Variants in FER1L5 observed in about 807,000 individuals in gnomAD.
The protein encoded by FER1L5 is fer-1 like family member 5, also known as fer-1-like protein 5.
A neutral mutation model predicts 279.9 loss-of-function variants in FER1L5; 187 were observed. The ratio of observed to expected loss-of-function variants is 0.67; its 90% CI spans 0.59 to 0.75. FER1L5 has a LOEUF of 0.75. FER1L5 is among the 30% of genes least tolerant of loss of function. The probability of loss-of-function intolerance (pLI) is 0.00; values close to 1 mark genes in which losing one functional copy is unlikely to be tolerated. For missense variants in FER1L5, 2,091 were observed against 2,594.4 expected, an observed-to-expected ratio of 0.81 and a Z score of 4.21; for synonymous variants, 921 against 989.7, an observed-to-expected ratio of 0.93 and a Z score of 1.30.
In FER1L5 at chr2:96,689,883, C is replaced by T. The variant is rs1266950464; in HGVS notation, c.2640+125C>T. On this transcript the variant is annotated intron_variant, in intron 26 of 52. Transcript: ENST00000624922. The surrounding 1 kb of genome is among the most constrained non-coding windows in gnomAD (Gnocchi z 4.6). ...ATGCCCTGCACTATGTGTGGGGCCCCGGGTGAGCGCACCAGCCCTCAGGCA... is the reference window on the plus strand; with the variant it reads ...ATGCCCTGCACTATGTGTGGGGCCCTGGGTGAGCGCACCAGCCCTCAGGCA... 24 of 700,086 alleles carry T rather than the reference C, an allele frequency of 3.4e-5. No individual in the cohort carries two copies. The highest frequency in any genetic ancestry group is 3.3e-4 in the South Asian group (17 of 52,090). 43.4% of individuals were successfully genotyped at this position (700,086 alleles called of 1,614,324 possible).
intron 20 of FER1L5, among the ~76,000 whole-genome samples, chr2:96,685,000 T>C (rs2076868064): frequency 1.3e-5 from 2 of 151,980 alleles, no homozygotes; most frequent in Admixed American, 6.5e-5. Context: ...CAAGTGCCTG[T>C]TGGGAGTGTA....
At chr2:96,682,017 C>G (rs2076747741) in intron 19 of FER1L5, among the ~76,000 whole-genome samples, 1 of 151,980 alleles carries the variant, frequency 6.6e-6, no homozygotes, top group Non-Finnish European at 1.5e-5. Flanking sequence ...AACTCCTAAC[C>G]TCAGGTAATC....
At position 96,694,102 on chromosome 2, in the gene FER1L5, T is replaced by C; in HGVS notation, c.3636+30T>C. On this transcript the variant is annotated intron_variant, in intron 33 of 52. Transcript: ENST00000624922. This position sits in a 1 kb window ranked among gnomAD's most constrained non-coding sequence, Gnocchi z 4.6. ...TGGGAGAGAGGGCCTGGCTGGGAAG[T>C]GTGGCACTCAGTGCCCCTCCCCGTC... The C allele has an allele frequency of 6.5e-7, 1 of 1,527,288 alleles. No individual in the cohort carries two copies. Among genetic ancestry groups the C allele is most frequent in the Non-Finnish European group, 8.8e-7 (1 of 1,141,136 alleles). The allele number at this position is 1,527,288 out of a possible 1,614,324, so 94.6% of individuals were successfully genotyped here.
At chr2:96,679,153 C>T (rs1371001296) in intron 19 of FER1L5, among the ~76,000 whole-genome samples, 2 of 151,454 alleles carry the variant, frequency 1.3e-5, no homozygotes, top group South Asian at 2.1e-4. Context: ...GAGTTCAAGA[C>T]CAGCCTGGGC....
chr2:96,663,402 G>A (rs1381097880), intron 13 of FER1L5, 37 bp from the exon 14 acceptor site: 7 of 1,546,156 alleles, frequency 4.5e-6, no homozygotes, highest in Admixed American at 2.0e-5. Flanking sequence ...GGGAGGAGGG[G>A]GCAGGCTGGC....
At chr2:96,670,009 C>T (rs992081221) in intron 17 of FER1L5, 110 bp from the exon 18 acceptor site, 30 of 1,425,040 alleles carry the variant, frequency 2.1e-5, no homozygotes, top group South Asian at 5.3e-5. Context: ...CAGTAAGCCC[C>T]GGGCAGGCAG....
chr2:96,675,422 ATAAT>A (rs1269215992), intron 19 of FER1L5, among the ~76,000 whole-genome samples: 4 of 152,094 alleles, frequency 2.6e-5, no homozygotes, highest in African/African-American at 7.2e-5. Flanking sequence ...TTTTAAAAAA[ATAAT>A]TAATTAATTA....
chr2:96,695,322 G>C (rs1264293674), intron 34 of FER1L5, 187 bp from the exon 35 acceptor site: 1 of 751,478 alleles, frequency 1.3e-6, no homozygotes. Context: ...GGCAAGCACT[G>C]ATCCCTCACA....
At chr2:96,696,461 T>C (rs1297100094) in intron 37 of FER1L5, among the ~76,000 whole-genome samples, 1 of 152,076 alleles carries the variant, frequency 6.6e-6, no homozygotes, top group South Asian at 2.1e-4. Flanking sequence ...CACGGCTAAT[T>C]TTTTGTATTT....
At chr2:96,704,025 A>T (rs2077690032) in intron 51 of FER1L5, among the ~76,000 whole-genome samples, 190 bp from the exon 52 acceptor site, 1 of 152,094 alleles carries the variant, frequency 6.6e-6, no homozygotes, top group Admixed American at 6.5e-5. Flanking sequence ...CATGTTGGCC[A>T]GGCTGGTCTC....
intron 3 of FER1L5, 149 bp downstream of exon 3, chr2:96,647,304 A>G: frequency 1.2e-6 from 1 of 861,674 alleles, no homozygotes; most frequent in Non-Finnish European, 1.8e-6. Context: ...TGGGTACTGA[A>G]AGGGTAGCCA....
At chr2:96,665,872 C>T (rs1243537434) in intron 14 of FER1L5, among the ~76,000 whole-genome samples, 1 of 152,164 alleles carries the variant, frequency 6.6e-6, no homozygotes, top group Non-Finnish European at 1.5e-5. Flanking sequence ...AGGTGTGAGC[C>T]ACCATGCCCG....
intron 19 of FER1L5, among the ~76,000 whole-genome samples, chr2:96,677,043 C>T (rs972971015): frequency 6.6e-6 from 1 of 151,942 alleles, no homozygotes; most frequent in Admixed American, 6.6e-5. Context: ...GGTTTCGCCA[C>T]GTTGGCCAGG....
chr2:96,662,148 C>T (rs2075978632), intron 12 of FER1L5, 67 bp from the exon 13 acceptor site: 6 of 1,480,218 alleles, frequency 4.1e-6, no homozygotes, highest in South Asian at 3.7e-5. Flanking sequence ...GTTGTTCTGT[C>T]GCCACCCTAT....
chr2:96,684,726 T>A (rs1342139204), intron 20 of FER1L5, among the ~76,000 whole-genome samples: 3 of 151,836 alleles, frequency 2.0e-5, no homozygotes, highest in South Asian at 2.1e-4. Flanking sequence ...AGGTACCAGG[T>A]GCTATAGGGT....
chr2:96,698,911 G>A lies in FER1L5; in HGVS notation c.4518+79G>A, dbSNP rs1429311554. The A allele has an allele frequency of 1.3e-6, 2 of 1,534,356 alleles. No individual in the cohort carries two copies. The highest frequency in any genetic ancestry group is 1.2e-5 in the South Asian group (1 of 83,362). On this transcript the variant is annotated intron_variant, in intron 41 of 52. Transcript: ENST00000624922. The surrounding 1 kb of genome is among the most constrained non-coding windows in gnomAD (Gnocchi z 5.5). ...TCTCTGGGAGCCCCCTCCGACTGCT[G>A]ACACACAGAATGCCAACTCCCCATA...
In FER1L5 at chr2:96,693,575, C is replaced by G; in HGVS notation, c.3362C>G (p.Pro1121Arg). 6.4e-7 allele frequency: 1 copy of G among 1,551,662 alleles called. No homozygotes were observed. The highest frequency in any genetic ancestry group is 2.4e-5 in the East Asian group (1 of 40,918). The change falls in exon 32 of 53, where the codon CCC (proline) becomes CGC (arginine). Residue 1121 changes from proline to arginine, a missense_variant. Coordinates refer to ENST00000624922, the MANE Select transcript of FER1L5 (RefSeq NM_001293083.2). The stretch of plus-strand genomic sequence containing the variant: ...CAAACCCTGAGGAGCTCTGCAGGCC[C>G]CACATGGGCCCAGACACTCATCTTC... ...CTQTLRSSAGPTWAQTLIFQH... is the reference protein window; with the variant it reads ...CTQTLRSSAGRTWAQTLIFQH...
chr2:96,645,598 G>A (rs924390070), intron 1 of FER1L5, among the ~76,000 whole-genome samples: 3 of 152,116 alleles, frequency 2.0e-5, no homozygotes, highest in Non-Finnish European at 2.9e-5. Context: ...GACCAGCCTG[G>A]GTGACATGGT....
In FER1L5 at chr2:96,647,878, C is replaced by A. The variant is rs771551036; in HGVS notation, c.331C>A (p.Pro111Thr). Residue 111 changes from proline to threonine, a missense_variant, in exon 4 of 53, where the codon CCC (proline) becomes ACC (threonine). Pro to Thr is a conservative substitution (Grantham distance 38). Coordinates refer to ENST00000624922, the MANE Select transcript of FER1L5 (RefSeq NM_001293083.2). ...GACCCTGCTCAACCATTCCATGAAGCCCACAGATGTGAGTCAGGCCCAGGA... is the reference window on the plus strand; with the variant it reads ...GACCCTGCTCAACCATTCCATGAAGACCACAGATGTGAGTCAGGCCCAGGA... ...DLTLLNHSMK[P>T]TDCTVTLQVA... 1 of 1,551,560 alleles carries A rather than the reference C, an allele frequency of 6.4e-7. No homozygotes were observed. Among genetic ancestry groups the A allele is most frequent in the East Asian group, 2.4e-5 (1 of 40,924 alleles).
Sources: gnomAD v4.1 joint callset for allele counts (sites outside exome capture counted in the v4.1 genomes callset) on GRCh38, gnomAD v4.1.1 for gene constraint, Gnocchi (gnomAD v3.1) non-coding constraint, MANE v1.5 for transcripts, NCBI Gene and HGNC (gene_info 2026-07-23, HGNC 2026-07-21) for gene names.